Variants in OR51I2 observed in about 807,000 individuals in gnomAD.
OR51I2 encodes the protein olfactory receptor family 51 subfamily I member 2.
Under a neutral mutation model 9.3 loss-of-function variants are expected in OR51I2, and 6 were observed. That is an observed-to-expected ratio of 0.64 (90% confidence interval 0.35 to 1.27). OR51I2 has a LOEUF of 1.27. OR51I2 is among the 50% of genes most tolerant of loss of function. The pLI, the probability that OR51I2 is intolerant of heterozygous loss-of-function variation, is 0.03. For missense variants in OR51I2, 489 were observed against 396.4 expected, an observed-to-expected ratio of 1.23 and a Z score of -1.98; for synonymous variants, 179 against 143.1, an observed-to-expected ratio of 1.25 and a Z score of -1.79.
Position 5,455,464 on chromosome 11 carries a change from T to C in OR51I2, c.*1037T>C, listed in dbSNP as rs1428724254. The C allele has an allele frequency of 6.6e-6, 1 of 150,558 alleles. No homozygotes were observed. Among genetic ancestry groups the C allele is most frequent in the Non-Finnish European group, 1.5e-5 (1 of 67,886 alleles). The allele number at this position is 150,558 out of a possible 1,614,324, so 9.3% of individuals were successfully genotyped here. On this transcript the variant is annotated 3_prime_UTR_variant, in exon 2 of 2. Transcript: ENST00000641930. ...TTCCCTTGATACCAGAGGTAGGATA[T>C]AGTAAGAAATTCCTTGGTGCTAATT...
In OR51I2 at chr11:5,456,031, AAAT is replaced by A. The variant is rs1167079717; in HGVS notation, c.*1611_*1613del. 6 of 152,226 alleles carry A rather than the reference AAAT, an allele frequency of 3.9e-5. No individual in the cohort carries two copies. Among genetic ancestry groups the A allele is most frequent in the South Asian group, 2.1e-4 (1 of 4,832 alleles). The allele number at this position is 152,226 out of a possible 1,614,324, so 9.4% of individuals were successfully genotyped here. A position where few individuals can be genotyped will look rare whatever the true frequency, so the allele number is the denominator to read the frequency against. ...TATTAGAAGCTCCTATTTCAACATG[AAAT>A]AATAATTTTAATGCTTTGATATTTT... On this transcript the variant is annotated 3_prime_UTR_variant, in exon 2 of 2. Transcript: ENST00000641930.
rs368772374 is a variant in OR51I2 at position 5,454,147 on chromosome 11, T to C, written c.659T>C (p.Leu220Pro). The change falls in exon 2 of 2, where the codon CTC becomes CCC. Residue 220 changes from leucine to proline, a missense_variant. Leu to Pro is a moderately conservative substitution (Grantham distance 98). Transcript: ENST00000641930. The stretch of plus-strand genomic sequence containing the variant: ...TTTTTTATCTTCCTCTCCTATGTGC[T>C]CATTCTGCGTTCTGTCATGGCCACT... ...DLFFIFLSYV[L>P]ILRSVMATAS... The C allele has an allele frequency of 5.6e-6, 9 of 1,614,080 alleles. No homozygotes were observed. The highest frequency in any genetic ancestry group is 1.1e-5 in the South Asian group (1 of 91,084).
chr11:5,454,374 A>G lies in OR51I2; in HGVS notation c.886A>G (p.Thr296Ala). 2 of 1,613,134 alleles carry G rather than the reference A, an allele frequency of 1.2e-6. No homozygotes were observed. Among genetic ancestry groups the G allele is most frequent in the Non-Finnish European group, 1.7e-6 (2 of 1,179,974 alleles). The change falls in exon 2 of 2, where the codon ACA (threonine) becomes GCA (alanine). Residue 296 changes from threonine (T) to alanine (A), a missense_variant. Coordinates refer to ENST00000641930, the MANE Select transcript of OR51I2 (RefSeq NM_001004754.3). ...CAACCCTCTCATTTATAGCGCCAAG[A>G]CAAAGGAAATCCGCCGAGCCATTTT... ...VLNPLIYSAK[T>A]KEIRRAIFRM... is the part of the protein sequence containing the mutation.
At chr11:5,452,623 T>G (rs1850874388) in intron 1 of OR51I2, among the ~76,000 whole-genome samples, 1 of 146,534 alleles carries the variant, frequency 6.8e-6, no homozygotes, top group South Asian at 2.2e-4. Context: ...AGTATGTGAA[T>G]GAGCGTCTTC....
intron 1 of OR51I2, among the ~76,000 whole-genome samples, chr11:5,450,854 A>T (rs752040977): frequency 6.6e-6 from 1 of 152,144 alleles, no homozygotes; most frequent in Non-Finnish European, 1.5e-5. Flanking sequence ...TTTGCTGAGG[A>T]TGATGGCTTC....
Position 5,454,564 on chromosome 11 carries a change from T to C in OR51I2, c.*137T>C, listed in dbSNP as rs976010330. ...CCAGGAGATGGTGATGCAAAACTTATAACACAAAACAAGGAGTTCCAAATG... is the reference window on the plus strand; with the variant it reads ...CCAGGAGATGGTGATGCAAAACTTACAACACAAAACAAGGAGTTCCAAATG... On this transcript the variant is annotated 3_prime_UTR_variant, in exon 2 of 2. Coordinates refer to ENST00000641930, the MANE Select transcript of OR51I2 (RefSeq NM_001004754.3). 1.5e-6 allele frequency: 1 copy of C among 674,566 alleles called. No individual in the cohort carries two copies. Among genetic ancestry groups the C allele is most frequent in the Admixed American group, 2.9e-5 (1 of 34,386 alleles). 41.8% of individuals were successfully genotyped at this position (674,566 alleles called of 1,614,324 possible).
Position 5,453,827 on chromosome 11 carries a change from T to C in OR51I2, c.339T>C (p.Gly113=), listed in dbSNP as rs769070676. Residue 113 remains glycine (G), a synonymous_variant, in exon 2 of 2, where the codon GGT becomes GGC. Coordinates refer to ENST00000641930, the MANE Select transcript of OR51I2 (RefSeq NM_001004754.3). ...ACTTCTTCTCCATGATGGAATCAGGTATTCTGCTGGCCATGAGTTTTGACC... is the reference window on the plus strand; with the variant it reads ...ACTTCTTCTCCATGATGGAATCAGGCATTCTGCTGGCCATGAGTTTTGACC... ...LIHFFSMMES[G]ILLAMSFDRY... 2.0e-5 allele frequency: 33 copies of C among 1,614,086 alleles called. No individual in the cohort carries two copies. The highest frequency in any genetic ancestry group is 2.6e-5 in the Non-Finnish European group (31 of 1,180,040).
chr11:5,453,446 T>G lies in OR51I2; in HGVS notation c.-43T>G. The G allele has an allele frequency of 7.1e-7, 1 of 1,413,478 alleles. No individual in the cohort carries two copies. Among genetic ancestry groups the G allele is most frequent in the Non-Finnish European group, 9.5e-7 (1 of 1,052,526 alleles). The allele number at this position is 1,413,478 out of a possible 1,614,324, so 87.6% of individuals were successfully genotyped here. A position where few individuals can be genotyped will look rare whatever the true frequency, so the allele number is the denominator to read the frequency against. On this transcript the variant is annotated 5_prime_UTR_variant, in exon 2 of 2. Transcript: ENST00000641930. ...AGTGCAACTGTTAGAATTCTCCAAGTCAGAAGATCTGACTCTGAAAAGTAC... is the reference window on the plus strand; with the variant it reads ...AGTGCAACTGTTAGAATTCTCCAAGGCAGAAGATCTGACTCTGAAAAGTAC...
chr11:5,452,672 G>A (rs1038122133), intron 1 of OR51I2, among the ~76,000 whole-genome samples: 7 of 151,946 alleles, frequency 4.6e-5, no homozygotes, highest in Non-Finnish European at 1.0e-4. Context: ...CTGTTGTGAA[G>A]GTACATTAAT....
chr11:5,454,352 C>A lies in OR51I2; in HGVS notation c.864C>A (p.Asn288Lys). 2.5e-6 allele frequency: 4 copies of A among 1,614,044 alleles called. No individual in the cohort carries two copies. The highest frequency in any genetic ancestry group is 3.4e-6 in the Non-Finnish European group (4 of 1,180,024). Residue 288 changes from asparagine (N) to lysine (K), a missense_variant, in exon 2 of 2, where the codon AAC (asparagine) becomes AAA (lysine). Transcript: ENST00000641930. ...NVYLFVPPVL[N>K]PLIYSAKTKE... is the part of the protein sequence containing the mutation. Reference sequence around the variant, plus strand: ...ACCTATTTGTGCCTCCTGTGCTCAACCCTCTCATTTATAGCGCCAAGACAA... The same window carrying A: ...ACCTATTTGTGCCTCCTGTGCTCAAACCTCTCATTTATAGCGCCAAGACAA...
chr11:5,451,451 A>C (rs1850846753), intron 1 of OR51I2, among the ~76,000 whole-genome samples: 1 of 152,226 alleles, frequency 6.6e-6, no homozygotes, highest in South Asian at 2.1e-4. Flanking sequence ...GACAAACATC[A>C]GTTCTGGATC....
rs1850922906 is a variant in OR51I2, at chr11:5,454,497, C to T, written c.*70C>T. 1.6e-6 allele frequency: 2 copies of T among 1,233,844 alleles called. No homozygotes were observed. The highest frequency in any genetic ancestry group is 3.9e-5 in the Admixed American group (2 of 51,318). 76.4% of individuals were successfully genotyped at this position (1,233,844 alleles called of 1,614,324 possible). ...TCATCAGTAGCATCGTCATCATCAT[C>T]ATCAAAGTATAAGATAGATTGTGTG... On this transcript the variant is annotated 3_prime_UTR_variant, in exon 2 of 2. Transcript: ENST00000641930.
Position 5,454,012 on chromosome 11 carries a change from C to G in OR51I2, c.524C>G (p.Ser175Cys). 6.2e-7 allele frequency: 1 copy of G among 1,614,028 alleles called. No homozygotes were observed. The highest frequency in any genetic ancestry group is 8.5e-7 in the Non-Finnish European group (1 of 1,180,036). The change falls in exon 2 of 2, where the codon TCT becomes TGT. Residue 175 changes from serine (S) to cysteine (C), a missense_variant. Ser to Cys is a moderately radical substitution (Grantham distance 112). Transcript: ENST00000641930. ...RLPICRSNVL[S>C]HSYCLHPDMM... ...CCTATCTGCAGATCCAATGTTCTTTCTCACTCCTACTGCCTGCACCCAGAC... is the reference window on the plus strand; with the variant it reads ...CCTATCTGCAGATCCAATGTTCTTTGTCACTCCTACTGCCTGCACCCAGAC...
In OR51I2 at chr11:5,455,561, G is replaced by GT. The variant is rs1422377172; in HGVS notation, c.*1134_*1135insT. The stretch of plus-strand genomic sequence containing the variant: ...AGCGAGGGATTGGGGGAGAAAGAAG[G>GT]GGGGAGAGAGAGAGAGAAAGAGAAA... On this transcript the variant is annotated 3_prime_UTR_variant, in exon 2 of 2. Coordinates refer to ENST00000641930, the MANE Select transcript of OR51I2 (RefSeq NM_001004754.3). The GT allele has an allele frequency of 8.9e-5, 3 of 33,724 alleles. No homozygotes were observed. The highest frequency in any genetic ancestry group is 2.4e-4 in the Non-Finnish European group (3 of 12,472). The allele number at this position is 33,724 out of a possible 1,614,324, so 2.1% of individuals were successfully genotyped here. A position where few individuals can be genotyped will look rare whatever the true frequency, so the allele number is the denominator to read the frequency against.
In OR51I2 at chr11:5,454,586, A is replaced by C. The variant is rs1052445196; in HGVS notation, c.*159A>C. On this transcript the variant is annotated 3_prime_UTR_variant, in exon 2 of 2. Transcript: ENST00000641930. The stretch of plus-strand genomic sequence containing the variant: ...TTATAACACAAAACAAGGAGTTCCA[A>C]ATGAATAGTACATTCACTAAATACC... 2.0e-5 allele frequency: 12 copies of C among 597,144 alleles called. No homozygotes were observed. The highest frequency in any genetic ancestry group is 5.6e-5 in the East Asian group (2 of 36,008). 37.0% of individuals were successfully genotyped at this position (597,144 alleles called of 1,614,324 possible). A position where few individuals can be genotyped will look rare whatever the true frequency, so the allele number is the denominator to read the frequency against.
chr11:5,450,959 G>A (rs1014924765), intron 1 of OR51I2, among the ~76,000 whole-genome samples: 1 of 152,090 alleles, frequency 6.6e-6, no homozygotes, highest in African/African-American at 2.4e-5. Flanking sequence ...AGAGAGAAGA[G>A]AGTCTTAAAA....
chr11:5,452,320 C>T (rs945923092), intron 1 of OR51I2, among the ~76,000 whole-genome samples: 6 of 151,792 alleles, frequency 4.0e-5, no homozygotes, highest in South Asian at 2.1e-4. Flanking sequence ...CTGGCTAACA[C>T]GGTGAAACCC....
At position 5,453,521 on chromosome 11, in the gene OR51I2, C is replaced by A. The variant is rs1489266120; in HGVS notation, c.33C>A (p.Phe11Leu). Residue 11 changes from phenylalanine to leucine, a missense_variant, in exon 2 of 2, where the codon TTC (phenylalanine) becomes TTA (leucine). By Grantham distance (22) the Phe-to-Leu change is conservative (BLOSUM62 0). Coordinates refer to ENST00000641930, the MANE Select transcript of OR51I2 (RefSeq NM_001004754.3). ...TGTTCAATGTCACTCACCCTGCATT[C>A]TTCCTCCTGACTGGTATCCCTGGTC... The part of the protein sequence containing the change: MGLFNVTHPA[F>L]FLLTGIPGLE... The A allele has an allele frequency of 2.5e-6, 4 of 1,580,176 alleles. No homozygotes were observed. Among genetic ancestry groups the A allele is most frequent in the Non-Finnish European group, 3.4e-6 (4 of 1,166,220 alleles).
intron 1 of OR51I2, among the ~76,000 whole-genome samples, chr11:5,450,923 G>A (rs1299826882): frequency 6.6e-6 from 1 of 151,332 alleles, no homozygotes; most frequent in Non-Finnish European, 1.5e-5. Context: ...ATGTATCCCA[G>A]AACTTAAAGT....
Sources: gnomAD v4.1 joint callset for allele counts (sites outside exome capture counted in the v4.1 genomes callset) on GRCh38, gnomAD v4.1.1 for gene constraint, MANE v1.5 for transcripts, NCBI Gene and HGNC (gene_info 2026-07-23, HGNC 2026-07-21) for gene names.